LEO1: variants seen among roughly 807,000 people sequenced by gnomAD.
LEO1 encodes RNA polymerase-associated protein LEO1.
A neutral mutation model predicts 80.4 loss-of-function variants in LEO1; 34 were observed. That is an observed-to-expected ratio of 0.42 (90% confidence interval 0.32 to 0.56). The LOEUF (loss-of-function observed/expected upper bound fraction) is 0.56. LEO1 is among the 20% of genes least tolerant of loss of function. LEO1 has a pLI of 0.10. For missense variants in LEO1, 631 were observed against 814.2 expected, an observed-to-expected ratio of 0.77 and a Z score of 2.74; for synonymous variants, 262 against 274.9, an observed-to-expected ratio of 0.95 and a Z score of 0.46.
intron 9 of LEO1, 28 bp downstream of exon 9, chr15:51,951,816 G>A: frequency 6.2e-7 from 1 of 1,602,864 alleles, no homozygotes; most frequent in Non-Finnish European, 8.5e-7. Flanking sequence ...AAGAATCCCA[G>A]GATAACGCTT....
At chr15:51,965,122 AATTTGCCATCCACGCTAG>A (rs1470737057) in intron 2 of LEO1, among the ~76,000 whole-genome samples, 1 of 152,194 alleles carries the variant, frequency 6.6e-6, no homozygotes, top group Non-Finnish European at 1.5e-5. Context: ...TGATTATTAT[AATTTGCCATCCACGCTAG>A]ATTTGCCCCC....
intron 7 of LEO1, among the ~76,000 whole-genome samples, chr15:51,953,845 C>A (rs1417260072): frequency 1.3e-5 from 2 of 151,838 alleles, no homozygotes; most frequent in South Asian, 4.2e-4. Context: ...CGCCTGTAAT[C>A]CCAGCACTTG....
intron 11 of LEO1, among the ~76,000 whole-genome samples, chr15:51,943,247 C>T (rs1338843734): frequency 2.6e-5 from 4 of 151,438 alleles, no homozygotes; most frequent in Admixed American, 6.6e-5. Flanking sequence ...GGCGTGGTGG[C>T]GGGCACCTGT....
intron 2 of LEO1, among the ~76,000 whole-genome samples, chr15:51,964,538 T>C (rs2057059300): frequency 1.5e-5 from 2 of 129,530 alleles, no homozygotes; most frequent in Admixed American, 8.6e-5. Context: ...ACCCTAGAAC[T>C]TAAAGTGTTA....
rs759804505 is a variant in LEO1, at chr15:51,950,044, G to A, written c.1612-50C>T. 3 of 1,503,086 alleles carry A rather than the reference G, an allele frequency of 2.0e-6. No individual in the cohort carries two copies. The East Asian group carries it at 7.1e-5, about 35-fold the overall frequency. The allele number at this position is 1,503,086 out of a possible 1,614,324, so 93.1% of individuals were successfully genotyped here. Reference sequence around the variant, plus strand: ...TAACCTAAAAAGGAGCTACTTTTGTGCCCACTTGAACCCACTTTTATTACA... The same window carrying A: ...TAACCTAAAAAGGAGCTACTTTTGTACCCACTTGAACCCACTTTTATTACA... On this transcript the variant is annotated intron_variant, in intron 9 of 11. Transcript: ENST00000299601.
At chr15:51,969,713 G>A (rs182900595) in intron 1 of LEO1, among the ~76,000 whole-genome samples, 223 of 151,970 alleles carry the variant, frequency 1.5e-3, no homozygotes, top group African/African-American at 5.1e-3. Flanking sequence ...ATGGTGGCAG[G>A]TGCCTGTAAT....
At chr15:51,960,864 C>G in intron 3 of LEO1, 131 bp from the exon 4 acceptor site, 1 of 614,426 alleles carries the variant, frequency 1.6e-6, no homozygotes, top group Non-Finnish European at 2.9e-6. Flanking sequence ...AATGCTGAGC[C>G]TGGCTCTCAA....
Position 51,956,351 on chromosome 15 carries a change from C to T in LEO1, c.1246-1776G>A, listed in dbSNP as rs540382253. 8.4e-5 allele frequency among the ~76,000 whole-genome samples: 11 copies of T among 130,530 alleles called. No homozygotes were observed. The South Asian group carries it at 1.1e-3, about 13-fold the overall frequency. 85.6% of individuals were successfully genotyped at this position (130,530 alleles called of 152,430 possible). On this transcript the variant is annotated intron_variant, in intron 6 of 11. Coordinates refer to ENST00000299601, the MANE Select transcript of LEO1 (RefSeq NM_138792.4). ...TGGAGAATTGCTTGAACCCGGGAGGCGGGGGTTGCAGTGAGCTGAGATTGC... is the reference window on the plus strand; with the variant it reads ...TGGAGAATTGCTTGAACCCGGGAGGTGGGGGTTGCAGTGAGCTGAGATTGC...
intron 9 of LEO1, 32 bp from the exon 10 acceptor site, chr15:51,950,026 A>G (rs1437783720): frequency 6.4e-7 from 1 of 1,566,232 alleles, no homozygotes; most frequent in East Asian, 2.3e-5. Flanking sequence ...CTTTAACCTA[A>G]AAAGGAGCTA....
chr15:51,948,684 G>A (rs1224691249), intron 10 of LEO1, among the ~76,000 whole-genome samples: 2 of 152,134 alleles, frequency 1.3e-5, no homozygotes, highest in East Asian at 1.9e-4. Context: ...TTATTAATAG[G>A]TTGTTTTTGT....
intron 2 of LEO1, among the ~76,000 whole-genome samples, chr15:51,965,427 T>C (rs1185994126): frequency 6.6e-6 from 1 of 152,208 alleles, no homozygotes; most frequent in Non-Finnish European, 1.5e-5. Context: ...TCTTCAGTTA[T>C]CCACAGAAAT....
At chr15:51,958,992 T>C (rs1293538017) in intron 5 of LEO1, among the ~76,000 whole-genome samples, 166 bp from the exon 6 acceptor site, 1 of 151,900 alleles carries the variant, frequency 6.6e-6, no homozygotes, top group Non-Finnish European at 1.5e-5. Context: ...GAAGTAGTAA[T>C]TGTACTTTTT....
chr15:51,938,304 C>G (rs1157725800), intron 11 of LEO1, 44 bp from the exon 12 acceptor site: 2 of 1,165,646 alleles, frequency 1.7e-6, no homozygotes, highest in Admixed American at 2.0e-5. Context: ...CAATAAAGAA[C>G]ATTTTTAGGA....
chr15:51,946,231 C>T (rs1356902135), intron 11 of LEO1, among the ~76,000 whole-genome samples: 1 of 151,936 alleles, frequency 6.6e-6, no homozygotes, highest in Non-Finnish European at 1.5e-5. Flanking sequence ...CTCCTGTTGC[C>T]CAGGCTGGAG....
In LEO1 at chr15:51,971,710, G is replaced by C; in HGVS notation, c.36C>G (p.Ala12=). The C allele has an allele frequency of 6.2e-7, 1 of 1,614,168 alleles. No individual in the cohort carries two copies. Among genetic ancestry groups the C allele is most frequent in the South Asian group, 1.1e-5 (1 of 91,090 alleles). The change falls in exon 1 of 12, where the codon GCC becomes GCG. Residue 12 remains alanine (A), a synonymous_variant. Transcript: ENST00000299601. ...ADMEDLFGSD[A]DSEAERKDSD... is the part of the protein sequence containing the mutation. ...CACCTTTACGCTCAGCTTCGCTGTC[G>C]GCGTCGCTCCCGAAGAGATCCTCCA...
chr15:51,952,452 C>A (rs529812653), intron 8 of LEO1, among the ~76,000 whole-genome samples: 1 of 152,178 alleles, frequency 6.6e-6, no homozygotes, highest in Non-Finnish European at 1.5e-5. Context: ...ATGAGTCTAA[C>A]TGATTCCAAA....
chr15:51,959,757 G>A (rs1269066446), intron 5 of LEO1, 142 bp downstream of exon 5: 5 of 673,504 alleles, frequency 7.4e-6, no homozygotes, highest in Non-Finnish European at 1.2e-5. Flanking sequence ...TTCTATCTCA[G>A]GATGTGCTTG....
At chr15:51,947,418 A>G (rs750789777) in intron 10 of LEO1, 29 bp from the exon 11 acceptor site, 2 of 1,479,272 alleles carry the variant, frequency 1.4e-6, no homozygotes, top group Admixed American at 4.0e-5. Flanking sequence ...ATTGTGAGTC[A>G]CCTTTTTTTT....
intron 11 of LEO1, 56 bp downstream of exon 11, chr15:51,947,236 G>T: frequency 8.9e-7 from 1 of 1,118,058 alleles, no homozygotes; most frequent in Non-Finnish European, 1.4e-6. Flanking sequence ...TTCATTCAAA[G>T]CAGTTGGCTC....
Sources: gnomAD v4.1 joint callset for allele counts (sites outside exome capture counted in the v4.1 genomes callset) on GRCh38, gnomAD v4.1.1 for gene constraint, MANE v1.5 for transcripts, NCBI Gene and HGNC (gene_info 2026-07-23, HGNC 2026-07-21) for gene names.